AP1G1: variants seen among roughly 807,000 people sequenced by gnomAD.
AP1G1 encodes the protein AP-1 complex subunit gamma-1.
Under a neutral mutation model 108.3 loss-of-function variants are expected in AP1G1, and 7 were observed. The ratio of observed to expected loss-of-function variants is 0.06; its 90% CI spans 0.04 to 0.12. AP1G1 has a LOEUF of 0.12. Ranked by LOEUF, AP1G1 falls within the 10% of genes least tolerant of loss-of-function variation. AP1G1 has a pLI of 1.00. For missense variants in AP1G1, 756 were observed against 1,010.7 expected, an observed-to-expected ratio of 0.75 and a Z score of 3.42; for synonymous variants, 379 against 353.5, an observed-to-expected ratio of 1.07 and a Z score of -0.81.
Position 71,777,106 on chromosome 16 carries a change from CAAAAAAAAA to C in AP1G1, c.202-2523_202-2515del, listed in dbSNP as rs57955419. Among the ~76,000 whole-genome samples the C allele has an allele frequency of 9.5e-3, 455 of 48,086 alleles. 2 individuals carry two copies. Among genetic ancestry groups the C allele is most frequent in the African/African-American group, 0.035 (417 of 11,766 alleles). The allele number at this position is 48,086 out of a possible 152,430, so 31.5% of individuals were successfully genotyped here. A position where few individuals can be genotyped will look rare whatever the true frequency, so the allele number is the denominator to read the frequency against. On this transcript the variant is annotated intron_variant, in intron 2 of 22. Transcript: ENST00000299980. ...GCCTAGGAAAACAGCCAAACTGTTACAAAAAAAAAAAAAAAAAAAAAAAAAAAACTATAC... is the reference window on the plus strand; with the variant it reads ...GCCTAGGAAAACAGCCAAACTGTTACAAAAAAAAAAAAAAAAAAACTATAC...
In AP1G1 at chr16:71,729,432, GAAAAAAAAAA is replaced by G. The variant is rs61081595; in HGVS notation, c.*3616_*3625del. 3 of 92,190 alleles carry G rather than the reference GAAAAAAAAAA, an allele frequency of 3.3e-5. No individual in the cohort carries two copies. Among genetic ancestry groups the G allele is most frequent in the Admixed American group, 2.2e-4 (2 of 8,956 alleles). The allele number at this position is 92,190 out of a possible 1,614,324, so 5.7% of individuals were successfully genotyped here. ...CGCAACCGCAGGTTCTTTGAGGGAAGAAAAAAAAAAAAAAAAAAACCAACTCCAAGGCTCC... is the reference window on the plus strand; with the variant it reads ...CGCAACCGCAGGTTCTTTGAGGGAAGAAAAAAAAACCAACTCCAAGGCTCC... On this transcript the variant is annotated 3_prime_UTR_variant, in exon 23 of 23. Transcript: ENST00000299980.
intron 1 of AP1G1, among the ~76,000 whole-genome samples, chr16:71,791,389 G>C (rs921977546): frequency 6.6e-6 from 1 of 152,074 alleles, no homozygotes; most frequent in Non-Finnish European, 1.5e-5. Context: ...ATCAGTTATA[G>C]AATATATACC....
intron 1 of AP1G1, among the ~76,000 whole-genome samples, chr16:71,807,098 C>G (rs954533536): frequency 2.4e-4 from 36 of 152,210 alleles, no homozygotes; most frequent in African/African-American, 8.7e-4. Flanking sequence ...ACTCGCCTAA[C>G]TTGAAACGTA....
chr16:71,753,954 T>C, intron 12 of AP1G1, 67 bp from the exon 13 acceptor site: 1 of 1,487,514 alleles, frequency 6.7e-7, no homozygotes, highest in Non-Finnish European at 9.4e-7. Context: ...GACTAGAAAA[T>C]CCTGCCCAAG....
At position 71,776,591 on chromosome 16, in the gene AP1G1, T is replaced by C. The variant is rs185892602; in HGVS notation, c.202-1999A>G. 8.7e-4 allele frequency among the ~76,000 whole-genome samples: 133 copies of C among 152,364 alleles called. 1 individual carries two copies. The East Asian group carries it at 0.02, about 23-fold the overall frequency. ...TCATTTCATAATTCTATAAGTATTT[T>C]AGTAGTGAAAGCAAATGTTCCAAGA... On this transcript the variant is annotated intron_variant, in intron 2 of 22. Coordinates refer to ENST00000299980, the MANE Select transcript of AP1G1 (RefSeq NM_001128.6).
At chr16:71,789,507 G>C in intron 1 of AP1G1, 25 bp from the exon 2 acceptor site, 4 of 1,601,380 alleles carry the variant, frequency 2.5e-6, no homozygotes, top group Non-Finnish European at 1.7e-6. Flanking sequence ...ACATTAAATA[G>C]AGATGTTCAC....
intron 1 of AP1G1, among the ~76,000 whole-genome samples, chr16:71,795,760 A>T (rs2032563513): frequency 6.6e-6 from 1 of 152,150 alleles, no homozygotes. Context: ...CATTACACTG[A>T]TCTAGCCTAG....
chr16:71,797,152 C>A (rs530064436), intron 1 of AP1G1, among the ~76,000 whole-genome samples: 1 of 151,792 alleles, frequency 6.6e-6, no homozygotes, highest in Non-Finnish European at 1.5e-5. Flanking sequence ...ATTCTCCCAA[C>A]CATAATCTTA....
chr16:71,769,184 G>C (rs2031468768), intron 6 of AP1G1, among the ~76,000 whole-genome samples: 1 of 151,654 alleles, frequency 6.6e-6, no homozygotes, highest in Admixed American at 6.6e-5. Flanking sequence ...AAGGAAGGCT[G>C]AGGCAGGAGA....
rs1322823795 is a variant in AP1G1 at position 71,808,827 on chromosome 16, G to A, written c.-68C>T. 2.3e-6 allele frequency: 3 copies of A among 1,289,660 alleles called. No homozygotes were observed. The highest frequency in any genetic ancestry group is 2.5e-5 in the South Asian group (2 of 81,022). The allele number at this position is 1,289,660 out of a possible 1,614,324, so 79.9% of individuals were successfully genotyped here. The stretch of plus-strand genomic sequence containing the variant: ...GGCGGCAGCAGTGGCAGCAGGAACC[G>A]AACATCCAAAATGGCGGCTCCCTCG... On this transcript the variant is annotated 5_prime_UTR_variant, in exon 1 of 23. Transcript: ENST00000299980.
chr16:71,774,230 T>C (rs746433304), intron 3 of AP1G1: 1 of 421,066 alleles, frequency 2.4e-6, no homozygotes, highest in African/African-American at 2.1e-5. Flanking sequence ...ATACAAAAAT[T>C]AGCCAGGCGT....
intron 15 of AP1G1, among the ~76,000 whole-genome samples, chr16:71,749,475 C>T (rs1343289664): frequency 7.7e-6 from 1 of 130,600 alleles, no homozygotes; most frequent in Non-Finnish European, 1.6e-5. Flanking sequence ...CAGAGTGAGA[C>T]TCTATTAAAA....
At chr16:71,766,587 T>A (rs1433109453) in intron 6 of AP1G1, 1 of 308,442 alleles carries the variant, frequency 3.2e-6, no homozygotes, top group Non-Finnish European at 6.6e-6. Flanking sequence ...CAAAGTGAAT[T>A]GCATTCCATC....
intron 11 of AP1G1, among the ~76,000 whole-genome samples, chr16:71,757,541 T>C (rs1048659970): frequency 6.6e-6 from 1 of 152,204 alleles, no homozygotes; most frequent in African/African-American, 2.4e-5. Flanking sequence ...ATAACTTTTA[T>C]AGGGTGCTTA....
At chr16:71,735,044 G>A (rs1316422747) in intron 21 of AP1G1, among the ~76,000 whole-genome samples, 1 of 152,166 alleles carries the variant, frequency 6.6e-6, no homozygotes, top group African/African-American at 2.4e-5. Flanking sequence ...GATCAACTAT[G>A]CAAGTAAAAT....
In AP1G1 at chr16:71,769,606, T is replaced by C; in HGVS notation, c.642+17A>G. 3.1e-6 allele frequency: 5 copies of C among 1,606,146 alleles called. No individual in the cohort carries two copies. In the South Asian group the frequency reaches 4.4e-5, roughly 14 times the overall value. ...TTTTCAATCAAGAAAGGCTTAGGCA[T>C]ACAGAATGGCACCTACCTTTCTGAA... On this transcript the variant is annotated intron_variant, in intron 6 of 22. Transcript: ENST00000299980.
At chr16:71,768,978 CAAAAAAA>C (rs59451625) in intron 6 of AP1G1, among the ~76,000 whole-genome samples, 2 of 65,018 alleles carry the variant, frequency 3.1e-5, no homozygotes, top group Middle Eastern at 0.015. Context: ...AAAAAAAATA[CAAAAAAA>C]AAAAAAAAAA....
intron 1 of AP1G1, among the ~76,000 whole-genome samples, chr16:71,795,869 G>A (rs1425077272): frequency 6.6e-6 from 1 of 152,218 alleles, no homozygotes; most frequent in African/African-American, 2.4e-5. Flanking sequence ...TGTGTTCACA[G>A]AAGGGAAATG....
chr16:71,794,700 T>C (rs1368591323), intron 1 of AP1G1, among the ~76,000 whole-genome samples: 1 of 151,880 alleles, frequency 6.6e-6, no homozygotes, highest in African/African-American at 2.4e-5. Context: ...AAAAAAATAA[T>C]GTGTGCATGT....
Sources: allele counts gnomAD v4.1 joint callset (sites outside exome capture counted in the v4.1 genomes callset), GRCh38; gene constraint gnomAD v4.1.1; transcripts MANE v1.5; gene names NCBI Gene and HGNC (gene_info 2026-07-23, HGNC 2026-07-21).